The following CACNA2D3 variants were observed in gnomAD, a reference collection of about 807,000 sequenced individuals.
CACNA2D3 encodes the protein calcium voltage-gated channel auxiliary subunit alpha2delta 3.
In CACNA2D3, 60 loss-of-function variants were observed where a neutral mutation model predicts 160.6. That is an observed-to-expected ratio of 0.37 (90% confidence interval 0.30 to 0.46). CACNA2D3 has a LOEUF of 0.46. CACNA2D3 is among the 20% of genes least tolerant of loss of function. CACNA2D3 has a pLI of 1.00. For synonymous variants in CACNA2D3, 558 were observed against 492.9 expected, an observed-to-expected ratio of 1.13 and a Z score of -1.75; for missense variants, 1,205 against 1,365.0, an observed-to-expected ratio of 0.88 and a Z score of 1.85.
chr3:54,425,304 C>T (rs55835791), intron 4 of CACNA2D3, among the ~76,000 whole-genome samples: 7,341 of 152,238 alleles, frequency 0.048, 265 homozygotes, highest in South Asian at 0.1. Context: ...GCACTCCAGC[C>T]CGGGTGACAA....
intron 9 of CACNA2D3, among the ~76,000 whole-genome samples, chr3:54,611,088 C>T (rs1698741072): frequency 2.0e-5 from 3 of 152,192 alleles, no homozygotes; most frequent in Non-Finnish European, 4.4e-5. Flanking sequence ...GGAGGTTTGT[C>T]CTAATTGAGG....
At chr3:54,754,505 C>G (rs1209381195) in intron 12 of CACNA2D3, among the ~76,000 whole-genome samples, 1 of 152,164 alleles carries the variant, frequency 6.6e-6, no homozygotes, top group East Asian at 1.9e-4. Flanking sequence ...ATGTTGATCT[C>G]TGGGTCCTGT....
chr3:54,770,693 G>GGC (rs1702304873), intron 13 of CACNA2D3, among the ~76,000 whole-genome samples: 2 of 152,166 alleles, frequency 1.3e-5, no homozygotes. Context: ...GGTGCACGAA[G>GGC]CATATGTCTG....
chr3:54,142,802 A>T (rs77926830), intron 2 of CACNA2D3, among the ~76,000 whole-genome samples: 7,625 of 152,314 alleles, frequency 0.05, 203 homozygotes, highest in Admixed American at 0.087. Context: ...GCTAGGAGGC[A>T]GTAGAGCCAG....
chr3:54,911,100 CATAA>C (rs1700544881), intron 27 of CACNA2D3, among the ~76,000 whole-genome samples: 1 of 152,128 alleles, frequency 6.6e-6, no homozygotes, highest in Non-Finnish European at 1.5e-5. Context: ...TCGTTTCATT[CATAA>C]ATACGTCAGC....
intron 6 of CACNA2D3, among the ~76,000 whole-genome samples, chr3:54,565,655 A>T (rs568265658): frequency 2.0e-5 from 3 of 152,210 alleles, no homozygotes; most frequent in Admixed American, 6.5e-5. Flanking sequence ...ATTTAACTTT[A>T]TTTAAAATTA....
chr3:54,550,988 C>T (rs931048989), intron 5 of CACNA2D3, among the ~76,000 whole-genome samples: 3 of 152,186 alleles, frequency 2.0e-5, no homozygotes, highest in African/African-American at 7.2e-5. Flanking sequence ...TAAACACTCC[C>T]CTCCACCCTT....
intron 5 of CACNA2D3, among the ~76,000 whole-genome samples, chr3:54,533,730 G>A (rs756543202): frequency 1.3e-5 from 2 of 151,910 alleles, no homozygotes; most frequent in African/African-American, 4.8e-5. Context: ...GGTGCTCTAA[G>A]GTCTTTAGGG....
chr3:54,122,894 G>A (rs1046089865), intron 1 of CACNA2D3, 59 bp downstream of exon 1: 112 of 1,196,780 alleles, frequency 9.4e-5, no homozygotes, highest in Non-Finnish European at 7.7e-5. Flanking sequence ...GACCCACTGT[G>A]CCCAAGTTTG....
chr3:54,710,449 T>G (rs562375434), intron 11 of CACNA2D3, among the ~76,000 whole-genome samples: 5 of 152,320 alleles, frequency 3.3e-5, no homozygotes, highest in Admixed American at 3.3e-4. Context: ...GCCACCAACT[T>G]TAACGTGCGG....
chr3:54,454,059 C>T (rs1381122487), intron 4 of CACNA2D3, among the ~76,000 whole-genome samples: 1 of 152,178 alleles, frequency 6.6e-6, no homozygotes, highest in Admixed American at 6.6e-5. Context: ...AAAGGTTGAA[C>T]TAGCATGTCT....
At chr3:54,138,269 G>A (rs1019109932) in intron 2 of CACNA2D3, among the ~76,000 whole-genome samples, 6 of 152,200 alleles carry the variant, frequency 3.9e-5, no homozygotes, top group Admixed American at 3.9e-4. Flanking sequence ...CCAAGTGTTA[G>A]CACTGGGCTA....
intron 13 of CACNA2D3, among the ~76,000 whole-genome samples, chr3:54,767,396 G>T (rs1702245173): frequency 6.6e-6 from 1 of 152,206 alleles, no homozygotes; most frequent in African/African-American, 2.4e-5. Context: ...GGTGTCATTT[G>T]TGGTAATATG....
rs11929687 is a variant in CACNA2D3, at chr3:54,512,861, A to T, written c.544+9207A>T. ...CTGGGAAGAAAAAGAGGTTTAATGG[A>T]CTTACAGTTCCACATGGCTGGGGAG... On this transcript the variant is annotated intron_variant, in intron 5 of 37. Transcript: ENST00000474759. Among the ~76,000 whole-genome samples the T allele has an allele frequency of 7.6e-3, 1,153 of 152,306 alleles. 11 individuals are homozygous for T. The highest frequency in any genetic ancestry group is 0.025 in the African/African-American group (1,048 of 41,564).
At chr3:54,738,022 T>C (rs150845259) in intron 11 of CACNA2D3, among the ~76,000 whole-genome samples, 1 of 152,312 alleles carries the variant, frequency 6.6e-6, no homozygotes, top group East Asian at 1.9e-4. Flanking sequence ...TGGATAGCAA[T>C]GGAAGAGCTC....
rs572286603 is a variant in CACNA2D3 at position 54,288,244 on chromosome 3, A to G, written c.205-32198A>G. Among the ~76,000 whole-genome samples the G allele has an allele frequency of 5.9e-5, 9 of 152,364 alleles. No homozygotes were observed. In the South Asian group the frequency reaches 1.7e-3, roughly 28 times the overall value. ...AATAAAAAATGATAAGGGGGATATC[A>G]CCACCGATTCCACAGAAATACAAAC... On this transcript the variant is annotated intron_variant, in intron 2 of 37. Transcript: ENST00000474759.
intron 13 of CACNA2D3, among the ~76,000 whole-genome samples, chr3:54,802,153 G>C (rs1322698083): frequency 6.6e-6 from 1 of 152,052 alleles, no homozygotes; most frequent in African/African-American, 2.4e-5. Context: ...TAATAGCAAG[G>C]GGTTAGCTGA....
At chr3:54,518,376 G>GGA (rs757669209) in intron 5 of CACNA2D3, among the ~76,000 whole-genome samples, 11 of 152,182 alleles carry the variant, frequency 7.2e-5, no homozygotes, top group African/African-American at 1.7e-4. Flanking sequence ...TGAGGAAGTG[G>GGA]GAGAGAGAGA....
intron 3 of CACNA2D3, among the ~76,000 whole-genome samples, chr3:54,354,109 T>A (rs538616447): frequency 6.6e-6 from 1 of 152,310 alleles, no homozygotes; most frequent in East Asian, 1.9e-4. Flanking sequence ...CTCACATGAA[T>A]CTCAGCCTTC....
Sources: allele counts gnomAD v4.1 joint callset (sites outside exome capture counted in the v4.1 genomes callset), GRCh38; gene constraint gnomAD v4.1.1; transcripts MANE v1.5; gene names NCBI Gene and HGNC (gene_info 2026-07-23, HGNC 2026-07-21).